CHIC1: variants seen among roughly 807,000 people sequenced by gnomAD.
CHIC1 encodes cysteine-rich hydrophobic domain-containing protein 1.
CHIC1 carries 7 observed loss-of-function variants against 18.5 expected under a neutral mutation model. That is an observed-to-expected ratio of 0.38 (90% CI 0.22 to 0.71). CHIC1 has a LOEUF of 0.71. CHIC1 is among the 30% of genes least tolerant of loss of function. CHIC1 has a pLI of 0.49. For synonymous variants in CHIC1, 77 were observed against 73.5 expected (o/e 1.05, Z -0.25); for missense variants, 159 against 176.9 (o/e 0.90, Z 0.57).
intron 3 of CHIC1, among the ~76,000 whole-genome samples, chrX:73,598,793 C>T (rs772327539): frequency 1.7e-4 from 19 of 110,698 alleles, no homozygotes; most frequent in African/African-American, 5.9e-4. Flanking sequence ...AATAAACATA[C>T]ATGTGCATGT....
chrX:73,568,609 A>AT (rs1205371433), intron 1 of CHIC1, among the ~76,000 whole-genome samples: 5 of 111,229 alleles, frequency 4.5e-5, no homozygotes, highest in African/African-American at 1.6e-4. Flanking sequence ...AGAAAAAAAT[A>AT]TTACATCACA....
intron 3 of CHIC1, among the ~76,000 whole-genome samples, chrX:73,609,132 G>T (rs1438863536): frequency 9.7e-6 from 1 of 102,907 alleles, no homozygotes; most frequent in African/African-American, 3.9e-5. Flanking sequence ...TCCAGCCTGG[G>T]TGACAGAGTG....
intron 3 of CHIC1, among the ~76,000 whole-genome samples, chrX:73,594,878 A>T (rs2057599472): frequency 8.9e-6 from 1 of 111,983 alleles, no homozygotes; most frequent in Admixed American, 9.5e-5. Context: ...GATTCAGCTT[A>T]TTTCACATAC....
intron 3 of CHIC1, among the ~76,000 whole-genome samples, chrX:73,619,290 C>G (rs974358084): frequency 1.8e-5 from 2 of 111,360 alleles, no homozygotes; most frequent in African/African-American, 6.5e-5. Flanking sequence ...CTCTGTCCTT[C>G]TGAGTGGGAG....
chrX:73,671,917 C>A (rs1181569747), intron 3 of CHIC1, among the ~76,000 whole-genome samples: 1 of 110,501 alleles, frequency 9.0e-6, no homozygotes, highest in Non-Finnish European at 1.9e-5. Flanking sequence ...CTATCCCTCC[C>A]CGCTCCCACA....
At chrX:73,628,981 G>T (rs2057795785) in intron 3 of CHIC1, among the ~76,000 whole-genome samples, 1 of 110,329 alleles carries the variant, frequency 9.1e-6, no homozygotes, top group Admixed American at 9.6e-5. Flanking sequence ...ATATTTCCTT[G>T]CCCACACTTG....
intron 1 of CHIC1, 116 bp from the exon 2 acceptor site, chrX:73,577,291 A>G: frequency 2.1e-6 from 1 of 482,756 alleles, no homozygotes; most frequent in Admixed American, 3.8e-5. Flanking sequence ...TTCAGGGCAC[A>G]TTTTTAAATT....
At chrX:73,629,751 C>T (rs1256377924) in intron 3 of CHIC1, among the ~76,000 whole-genome samples, 1 of 111,802 alleles carries the variant, frequency 8.9e-6, no homozygotes. Flanking sequence ...TCTTTATTCT[C>T]AAGATTCTTT....
At chrX:73,602,014 C>G (rs2057653509) in intron 3 of CHIC1, among the ~76,000 whole-genome samples, 1 of 103,806 alleles carries the variant, frequency 9.6e-6, no homozygotes, top group Non-Finnish European at 1.9e-5. Context: ...AAGACTAAAC[C>G]AGGAAGAAGT....
intron 3 of CHIC1, among the ~76,000 whole-genome samples, chrX:73,615,402 G>T (rs993990939): frequency 9.0e-6 from 1 of 111,721 alleles, no homozygotes; most frequent in Non-Finnish European, 1.9e-5. Context: ...GGTAGTGGAC[G>T]TGGCAAAGAC....
chrX:73,631,490 G>A (rs1278840765), intron 3 of CHIC1, among the ~76,000 whole-genome samples: 1 of 110,174 alleles, frequency 9.1e-6, no homozygotes, highest in Non-Finnish European at 1.9e-5. Context: ...AAAATTAGCT[G>A]GGTGTGGTGG....
intron 3 of CHIC1, among the ~76,000 whole-genome samples, chrX:73,653,333 C>T (rs1247831688): frequency 1.8e-5 from 2 of 111,588 alleles, no homozygotes; most frequent in Non-Finnish European, 3.8e-5. Flanking sequence ...CACATGTATC[C>T]TGGAACTTTA....
intron 3 of CHIC1, among the ~76,000 whole-genome samples, chrX:73,625,968 C>T (rs2057781634): frequency 1.8e-5 from 2 of 110,716 alleles, no homozygotes; most frequent in Admixed American, 1.9e-4. Context: ...TTGCTGCAGT[C>T]TATTTCCTTT....
At chrX:73,673,290 C>G (rs1018179859) in intron 3 of CHIC1, among the ~76,000 whole-genome samples, 2 of 111,718 alleles carry the variant, frequency 1.8e-5, no homozygotes, top group African/African-American at 6.5e-5. Context: ...TGAAGAAAGT[C>G]CTTGGTAACT....
intron 3 of CHIC1, among the ~76,000 whole-genome samples, chrX:73,673,657 A>ATGTGGTTT (rs2058044764): frequency 8.9e-6 from 1 of 111,797 alleles, no homozygotes; most frequent in Non-Finnish European, 1.9e-5. Flanking sequence ...GGCTGAGACG[A>ATGTGGTTT]TGTGGTTTTC....
chrX:73,571,522 G>A (rs1042004586), intron 1 of CHIC1, among the ~76,000 whole-genome samples: 1 of 111,248 alleles, frequency 9.0e-6, no homozygotes, highest in African/African-American at 3.2e-5. Context: ...TTTAATACTA[G>A]AATATCAATT....
chrX:73,662,460 T>A (rs2057985631), intron 3 of CHIC1, among the ~76,000 whole-genome samples: 1 of 101,155 alleles, frequency 9.9e-6, no homozygotes, highest in Admixed American at 1.1e-4. Flanking sequence ...TCTTATGCGA[T>A]CTAGTTGCCT....
intron 3 of CHIC1, among the ~76,000 whole-genome samples, chrX:73,657,249 A>G (rs181036956): frequency 0.013 from 1,373 of 108,951 alleles, 21 homozygotes; most frequent in African/African-American, 0.044. Context: ...TTTAGTAGAG[A>G]CAGGGTTTCA....
At chrX:73,569,081 C>A (rs946039969) in intron 1 of CHIC1, among the ~76,000 whole-genome samples, 1 of 111,611 alleles carries the variant, frequency 9.0e-6, no homozygotes, top group Admixed American at 9.5e-5. Flanking sequence ...TTTTAAAAAT[C>A]TCCTTTTGTT....
Sources: gnomAD v4.1 joint callset for allele counts (sites outside exome capture counted in the v4.1 genomes callset) on GRCh38, gnomAD v4.1.1 for gene constraint, MANE v1.5 for transcripts, NCBI Gene and HGNC (gene_info 2026-07-23, HGNC 2026-07-21) for gene names.